MTUS1: variants seen among roughly 807,000 people sequenced by gnomAD.
MTUS1 encodes microtubule-associated tumor suppressor 1.
Under a neutral mutation model 120.8 loss-of-function variants are expected in MTUS1, and 109 were observed. The ratio of observed to expected loss-of-function variants is 0.90; its 90% CI spans 0.77 to 1.06. The LOEUF (loss-of-function observed/expected upper bound fraction) is 1.06. MTUS1 is among the 50% of genes least tolerant of loss of function. The pLI is 0.00. For missense variants in MTUS1, 2,210 were observed against 1,486.3 expected (o/e 1.49, Z -8.01); for synonymous variants, 737 against 550.5 (o/e 1.34, Z -4.74).
intron 2 of MTUS1, among the ~76,000 whole-genome samples, chr8:17,750,204 A>G (rs372460938): frequency 3.9e-5 from 6 of 152,216 alleles, no homozygotes; most frequent in East Asian, 3.8e-4. Context: ...TAGCAGGCCA[A>G]TCACCCATGA....
chr8:17,743,864 T>A, intron 2 of MTUS1, 65 bp from the exon 3 acceptor site: 1 of 1,412,630 alleles, frequency 7.1e-7, no homozygotes, highest in Admixed American at 2.0e-5. Flanking sequence ...ACTGACTGAA[T>A]GGGCCCCTCC....
At chr8:17,743,358 T>A (rs1023197429) in intron 3 of MTUS1, among the ~76,000 whole-genome samples, 3 of 152,242 alleles carry the variant, frequency 2.0e-5, no homozygotes, top group African/African-American at 7.2e-5. Context: ...TGTATATTTA[T>A]GTACACATCC....
rs559570686 is a variant in MTUS1, at chr8:17,684,403, C to T, written c.2763G>A (p.Gln921=). ...KCENQSGFIL[Q]LKQLLACGNT... Reference sequence around the variant, plus strand: ...TACCACAGGCAAGAAGCTGCTTGAGCTGCAGGATAAATCCACTTTGGTTTT... The same window carrying T: ...TACCACAGGCAAGAAGCTGCTTGAGTTGCAGGATAAATCCACTTTGGTTTT... Residue 921 remains glutamine (Q), a synonymous_variant, in exon 7 of 15, where the codon CAG becomes CAA. Transcript: ENST00000693296. 1 of 1,614,204 alleles carries T rather than the reference C, an allele frequency of 6.2e-7. No individual in the cohort carries two copies. The highest frequency in any genetic ancestry group is 1.1e-5 in the South Asian group (1 of 91,084).
chr8:17,654,988 C>T (rs900547751), intron 9 of MTUS1: 1 of 261,436 alleles, frequency 3.8e-6, no homozygotes, highest in African/African-American at 2.2e-5. Flanking sequence ...CAACTCTCCT[C>T]TGTCTCCTTC....
In MTUS1 at chr8:17,644,653, C is replaced by T. The variant is rs1022655297; in HGVS notation, c.*1273G>A. 2 of 152,210 alleles carry T rather than the reference C, an allele frequency of 1.3e-5. No homozygotes were observed. Among genetic ancestry groups the T allele is most frequent in the Admixed American group, 6.5e-5 (1 of 15,276 alleles). 9.4% of individuals were successfully genotyped at this position (152,210 alleles called of 1,614,324 possible). On this transcript the variant is annotated 3_prime_UTR_variant, in exon 15 of 15. Coordinates refer to ENST00000693296, the MANE Select transcript of MTUS1 (RefSeq NM_001363059.2). ...GTAACTGAAAAATGAGCGCTATCCT[C>T]CCAGACTGTTTTCTTCTATCAAGTA... is the stretch of plus-strand genomic sequence containing the variant.
At chr8:17,681,095 G>A (rs548415446) in intron 7 of MTUS1, among the ~76,000 whole-genome samples, 2 of 152,108 alleles carry the variant, frequency 1.3e-5, no homozygotes, top group African/African-American at 4.8e-5. Flanking sequence ...CACCACACAT[G>A]GCTAATTTTT....
intron 1 of MTUS1, among the ~76,000 whole-genome samples, chr8:17,776,246 G>A (rs1242096391): frequency 1.3e-5 from 2 of 151,944 alleles, no homozygotes; most frequent in African/African-American, 4.8e-5. Flanking sequence ...ATGGTTTACA[G>A]TCTATGGAAG....
At chr8:17,698,729 C>G (rs1585778224) in intron 6 of MTUS1, among the ~76,000 whole-genome samples, 1 of 151,986 alleles carries the variant, frequency 6.6e-6, no homozygotes, top group South Asian at 2.1e-4. Flanking sequence ...CCCTCAAGCC[C>G]CCTCCCTCTT....
chr8:17,754,745 G>C lies in MTUS1; in HGVS notation c.1063C>G (p.Pro355Ala). ...LIDDECPLMV[P>A]AFDKSEAQVL... is the part of the protein sequence containing the mutation. ...TGAGCTTCGCTCTTATCAAAAGCTG[G>C]CACCATTAAAGGGCATTCATCATCA... Residue 355 changes from proline to alanine, a missense_variant, in exon 2 of 15, where the codon CCA (proline) becomes GCA (alanine). Physicochemically the swap from Pro to Ala is conservative, Grantham distance 27. Coordinates refer to ENST00000693296, the MANE Select transcript of MTUS1 (RefSeq NM_001363059.2). The C allele has an allele frequency of 6.2e-7, 1 of 1,614,180 alleles. No homozygotes were observed. Among genetic ancestry groups the C allele is most frequent in the South Asian group, 1.1e-5 (1 of 91,080 alleles).
chr8:17,786,939 T>C (rs1034251756), intron 1 of MTUS1, among the ~76,000 whole-genome samples: 4 of 152,216 alleles, frequency 2.6e-5, no homozygotes, highest in African/African-American at 2.4e-5. Flanking sequence ...ATCACAGCTA[T>C]ACATTTCAGA....
rs1455519190 is a variant in MTUS1 at position 17,755,482 on chromosome 8, A to G, written c.326T>C (p.Val109Ala). The G allele has an allele frequency of 2.5e-6, 4 of 1,614,214 alleles. No individual in the cohort carries two copies. The highest frequency in any genetic ancestry group is 1.7e-6 in the Non-Finnish European group (2 of 1,180,008). The change falls in exon 2 of 15, where the codon GTA becomes GCA. Residue 109 changes from valine (V) to alanine (A), a missense_variant. Physicochemically the swap from Val to Ala is moderately conservative, Grantham distance 64. Coordinates refer to ENST00000693296, the MANE Select transcript of MTUS1 (RefSeq NM_001363059.2). ...CAGATATTTGGGCTTCTCAGTACCT[A>G]CAAGTGCAGGACACTGACAAATAGA... is the stretch of plus-strand genomic sequence containing the variant. Reference protein sequence around the residue: ...KDSICQCPALVGTEKPKYLQH... With the variant: ...KDSICQCPALAGTEKPKYLQH...
intron 1 of MTUS1, among the ~76,000 whole-genome samples, chr8:17,756,606 TGA>T (rs925983047): frequency 2.0e-5 from 3 of 151,734 alleles, no homozygotes; most frequent in African/African-American, 7.3e-5. Context: ...CCTTGAAATG[TGA>T]GTTACCTTAT....
chr8:17,669,386 A>G (rs1489295859), intron 8 of MTUS1, among the ~76,000 whole-genome samples: 1 of 152,184 alleles, frequency 6.6e-6, no homozygotes, highest in Non-Finnish European at 1.5e-5. Context: ...AAATGAACCC[A>G]TGGCCGGGGC....
chr8:17,707,455 T>G (rs1332552137), intron 6 of MTUS1, among the ~76,000 whole-genome samples: 1 of 152,068 alleles, frequency 6.6e-6, no homozygotes, highest in South Asian at 2.1e-4. Flanking sequence ...AAAGTCATGC[T>G]TATGGTTTCG....
At chr8:17,709,324 T>C (rs1167541275) in intron 6 of MTUS1, among the ~76,000 whole-genome samples, 1 of 152,040 alleles carries the variant, frequency 6.6e-6, no homozygotes, top group African/African-American at 2.4e-5. Flanking sequence ...CTTGCCCAGG[T>C]TTCCCTCACA....
At chr8:17,799,955 G>GT (rs1586481983) in intron 1 of MTUS1, among the ~76,000 whole-genome samples, 1 of 151,310 alleles carries the variant, frequency 6.6e-6, no homozygotes, top group East Asian at 1.9e-4. Flanking sequence ...AAAAAAATCT[G>GT]TAACAGCACT....
At chr8:17,799,948 A>G (rs1319150299) in intron 1 of MTUS1, among the ~76,000 whole-genome samples, 2 of 152,184 alleles carry the variant, frequency 1.3e-5, no homozygotes, top group African/African-American at 4.8e-5. Context: ...TGAAAAAAAA[A>G]AAATCTGTAA....
At position 17,645,029 on chromosome 8, in the gene MTUS1, T is replaced by G. The variant is rs1414111632; in HGVS notation, c.*897A>C. On this transcript the variant is annotated 3_prime_UTR_variant, in exon 15 of 15. Coordinates refer to ENST00000693296, the MANE Select transcript of MTUS1 (RefSeq NM_001363059.2). ...GTAAAAATAAGGTGGAAAAACCCATTGGTACTTCCCTTTTTCTTTCTTTAC... is the reference window on the plus strand; with the variant it reads ...GTAAAAATAAGGTGGAAAAACCCATGGGTACTTCCCTTTTTCTTTCTTTAC... 1 of 147,194 alleles carries G rather than the reference T, an allele frequency of 6.8e-6. No individual in the cohort carries two copies. Among genetic ancestry groups the G allele is most frequent in the South Asian group, 2.3e-4 (1 of 4,402 alleles). The allele number at this position is 147,194 out of a possible 1,614,324, so 9.1% of individuals were successfully genotyped here.
At chr8:17,704,238 G>A (rs981459109) in intron 6 of MTUS1, 5 of 152,042 alleles carry the variant, frequency 3.3e-5, no homozygotes, top group Non-Finnish European at 7.4e-5. Context: ...TATCTCATAG[G>A]CTGCCTTTTC....
Sources: allele counts gnomAD v4.1 joint callset (sites outside exome capture counted in the v4.1 genomes callset), GRCh38; gene constraint gnomAD v4.1.1; transcripts MANE v1.5; gene names NCBI Gene and HGNC (gene_info 2026-07-23, HGNC 2026-07-21).